Variants in RABGAP1L observed in about 807,000 individuals in gnomAD.
RABGAP1L encodes RAB GTPase activating protein 1 like.
A neutral mutation model predicts 137.7 loss-of-function variants in RABGAP1L; 63 were observed. The observed-to-expected ratio is 0.46, with a 90% confidence interval of 0.37 to 0.56. The LOEUF is 0.56. Ranked by LOEUF, RABGAP1L falls within the 20% of genes least tolerant of loss-of-function variation. RABGAP1L has a pLI of 0.00. For synonymous variants in RABGAP1L, 431 were observed against 433.7 expected, an observed-to-expected ratio of 0.99 and a Z score of 0.08; for missense variants, 1,095 against 1,244.0, an observed-to-expected ratio of 0.88 and a Z score of 1.80.
chr1:174,691,519 TTTTTG>T (rs1414621220), intron 15 of RABGAP1L, among the ~76,000 whole-genome samples: 3 of 152,186 alleles, frequency 2.0e-5, no homozygotes, highest in Non-Finnish European at 2.9e-5. Flanking sequence ...GAGGCAGGTA[TTTTTG>T]TTTTGTATTT....
intron 11 of RABGAP1L, among the ~76,000 whole-genome samples, chr1:174,332,830 T>C (rs1681154438): frequency 6.6e-6 from 1 of 152,168 alleles, no homozygotes; most frequent in African/African-American, 2.4e-5. Context: ...TACTGGAGTA[T>C]TTATCCAAAG....
chr1:174,479,088 T>A (rs1025462569), intron 13 of RABGAP1L, among the ~76,000 whole-genome samples: 3 of 152,220 alleles, frequency 2.0e-5, no homozygotes, highest in Non-Finnish European at 4.4e-5. Flanking sequence ...TTGAACAATG[T>A]GTCTAAGGCT....
At chr1:174,344,552 TA>T (rs1313868601) in intron 11 of RABGAP1L, among the ~76,000 whole-genome samples, 3 of 152,210 alleles carry the variant, frequency 2.0e-5, no homozygotes, top group Non-Finnish European at 1.5e-5. Context: ...ATCATGGTGA[TA>T]GTGATACAGC....
At chr1:174,917,856 C>G (rs1369354309) in intron 19 of RABGAP1L, among the ~76,000 whole-genome samples, 1 of 150,954 alleles carries the variant, frequency 6.6e-6, no homozygotes, top group Non-Finnish European at 1.5e-5. Flanking sequence ...TTGCTGGAAC[C>G]TGGGAGGCAG....
intron 3 of RABGAP1L, among the ~76,000 whole-genome samples, chr1:174,229,876 C>A (rs1213851662): frequency 6.6e-6 from 1 of 152,140 alleles, no homozygotes; most frequent in African/African-American, 2.4e-5. Context: ...AGTTTACAGT[C>A]CCGCCAACAG....
At chr1:174,641,563 A>G (rs1215392213) in intron 14 of RABGAP1L, among the ~76,000 whole-genome samples, 1 of 152,166 alleles carries the variant, frequency 6.6e-6, no homozygotes, top group African/African-American at 2.4e-5. Context: ...AACATATTTT[A>G]AAAGAATGTC....
chr1:174,830,218 G>T (rs1051404737), intron 19 of RABGAP1L, among the ~76,000 whole-genome samples: 3 of 147,060 alleles, frequency 2.0e-5, no homozygotes, highest in African/African-American at 7.4e-5. Flanking sequence ...AGTCATGACT[G>T]ATTAGAAGCC....
chr1:174,658,543 G>T (rs942164048), intron 14 of RABGAP1L, among the ~76,000 whole-genome samples: 2 of 152,114 alleles, frequency 1.3e-5, no homozygotes, highest in Non-Finnish European at 2.9e-5. Context: ...ACTGCTGCCA[G>T]TTCTCTTGTG....
Position 174,988,350 on chromosome 1 carries a change from T to C in RABGAP1L, c.2806-291T>C, listed in dbSNP as rs150395867. On this transcript the variant is annotated intron_variant, in intron 24 of 25. Coordinates refer to ENST00000681986, the MANE Select transcript of RABGAP1L (RefSeq NM_001366446.1). ...AGCATTTGGTGTGGGGCTTGGCATCTAGTAAGAATAATGATAGCATAAAAT... is the reference window on the plus strand; with the variant it reads ...AGCATTTGGTGTGGGGCTTGGCATCCAGTAAGAATAATGATAGCATAAAAT... 1.3e-5 allele frequency among the ~76,000 whole-genome samples: 2 copies of C among 152,310 alleles called. 1 individual carries two copies. The highest frequency in any genetic ancestry group is 3.9e-4 in the East Asian group (2 of 5,186).
chr1:174,894,701 C>T (rs1181940313), intron 19 of RABGAP1L, among the ~76,000 whole-genome samples: 2 of 151,780 alleles, frequency 1.3e-5, no homozygotes, highest in Non-Finnish European at 2.9e-5. Flanking sequence ...AGAGGACTGT[C>T]GAGACTAGAA....
chr1:174,818,279 A>G (rs1015181209), intron 19 of RABGAP1L, among the ~76,000 whole-genome samples: 2 of 152,252 alleles, frequency 1.3e-5, no homozygotes, highest in Non-Finnish European at 2.9e-5. Context: ...GAAGAAACCC[A>G]GAAGAGTATG....
chr1:174,471,898 G>T (rs1442662703), intron 13 of RABGAP1L, among the ~76,000 whole-genome samples: 2 of 152,124 alleles, frequency 1.3e-5, no homozygotes, highest in African/African-American at 4.8e-5. Context: ...GGTTAGATGG[G>T]GTCATAAGTG....
At chr1:174,447,890 G>GCCCCCCCCCCC (rs11321562) in intron 13 of RABGAP1L, among the ~76,000 whole-genome samples, 1 of 69,562 alleles carries the variant, frequency 1.4e-5, no homozygotes, top group Non-Finnish European at 3.0e-5. Flanking sequence ...ACCCCTTACC[G>GCCCCCCCCCCC]CCCCCCCCCC....
intron 18 of RABGAP1L, among the ~76,000 whole-genome samples, chr1:174,766,646 T>C (rs543145530): frequency 6.6e-6 from 1 of 152,380 alleles, no homozygotes; most frequent in East Asian, 1.9e-4. Flanking sequence ...AGGATTTTAA[T>C]AGGGATTGCT....
At chr1:174,946,237 T>C (rs1417388842) in intron 19 of RABGAP1L, among the ~76,000 whole-genome samples, 1 of 152,218 alleles carries the variant, frequency 6.6e-6, no homozygotes. Flanking sequence ...ACGAGGCTTA[T>C]CAAAGGTCCT....
chr1:174,908,186 A>G (rs1304703086), intron 19 of RABGAP1L, among the ~76,000 whole-genome samples: 1 of 152,208 alleles, frequency 6.6e-6, no homozygotes, highest in African/African-American at 2.4e-5. Context: ...AGGAGAGGTA[A>G]ACTGCAATAC....
chr1:174,982,424 C>A lies in RABGAP1L; in HGVS notation c.2734-410C>A, dbSNP rs148528852. Among the ~76,000 whole-genome samples, 241 of 152,320 alleles carry A rather than the reference C, an allele frequency of 1.6e-3. 1 individual carries two copies. Among genetic ancestry groups the A allele is most frequent in the African/African-American group, 5.6e-3 (231 of 41,566 alleles). ...AAACTTTTGTGATTGAAAACAGGTT[C>A]TTTCTGTGACAGTAGAAAGGAGATA... On this transcript the variant is annotated intron_variant, in intron 23 of 25. Coordinates refer to ENST00000681986, the MANE Select transcript of RABGAP1L (RefSeq NM_001366446.1).
At chr1:174,550,915 C>CT (rs1558333913) in intron 13 of RABGAP1L, among the ~76,000 whole-genome samples, 14 of 97,990 alleles carry the variant, frequency 1.4e-4, no homozygotes, top group African/African-American at 9.9e-4. Flanking sequence ...CATATACACA[C>CT]ACACACATAT....
intron 11 of RABGAP1L, among the ~76,000 whole-genome samples, chr1:174,343,608 C>T (rs553417286): frequency 6.6e-6 from 1 of 152,240 alleles, no homozygotes; most frequent in South Asian, 2.1e-4. Context: ...TCATTAAGAA[C>T]TGCTCTTTCT....
Sources: allele counts gnomAD v4.1 joint callset (sites outside exome capture counted in the v4.1 genomes callset), GRCh38; gene constraint gnomAD v4.1.1; transcripts MANE v1.5; gene names NCBI Gene and HGNC (gene_info 2026-07-23, HGNC 2026-07-21).